The following MAPK10 variants were observed in gnomAD, a reference collection of about 807,000 sequenced individuals.
MAPK10 encodes JNK3 alpha protein kinase.
Under a neutral mutation model 59.3 loss-of-function variants are expected in MAPK10, and 25 were observed. The ratio of observed to expected loss-of-function variants is 0.42; its 90% confidence interval spans 0.31 to 0.59. The LOEUF (loss-of-function observed/expected upper bound fraction) is 0.59, where lower values mean the gene tolerates loss of function less well. Among genes scored for constraint, MAPK10 ranks in the 20% least tolerant of loss-of-function variants. MAPK10 has a pLI of 0.15. For synonymous variants in MAPK10, 190 were observed against 200.5 expected (o/e 0.95, Z 0.44); for missense variants, 351 against 568.9 (o/e 0.62, Z 3.90).
At chr4:86,279,687 G>A (rs1395043556) in intron 2 of MAPK10, among the ~76,000 whole-genome samples, 1 of 152,056 alleles carries the variant, frequency 6.6e-6, no homozygotes. Flanking sequence ...CATTACTAGG[G>A]GGGGCTCAAC....
At chr4:86,338,318 A>G (rs535515562) in intron 2 of MAPK10, among the ~76,000 whole-genome samples, 2 of 152,352 alleles carry the variant, frequency 1.3e-5, no homozygotes, top group East Asian at 1.9e-4. Context: ...TGAAACCCTC[A>G]TATGAACTCC....
At chr4:86,074,238 T>C (rs1361384180) in intron 9 of MAPK10, among the ~76,000 whole-genome samples, 1 of 141,470 alleles carries the variant, frequency 7.1e-6, no homozygotes, top group African/African-American at 2.7e-5. Context: ...TTGTTTTCCA[T>C]TGGCTTGGTA....
At chr4:86,139,288 C>A (rs1317228472) in intron 4 of MAPK10, among the ~76,000 whole-genome samples, 1 of 149,984 alleles carries the variant, frequency 6.7e-6, no homozygotes, top group African/African-American at 2.5e-5. Context: ...AACTATACTA[C>A]AAGGCTACAG....
Position 86,244,412 on chromosome 4 carries a change from T to A in MAPK10, c.-6-50005A>T, listed in dbSNP as rs187386025. Among the ~76,000 whole-genome samples, 286 of 152,328 alleles carry A rather than the reference T, an allele frequency of 1.9e-3. 2 individuals carry two copies. Among genetic ancestry groups the A allele is most frequent in the Middle Eastern group, 0.014 (4 of 294 alleles). On this transcript the variant is annotated intron_variant, in intron 2 of 13. Transcript: ENST00000641462. ...GATATGAAAGGTAAAGTTTCTTGCA[T>A]TTGAGATGCCTGCAATTTTTAAAAT... is the stretch of plus-strand genomic sequence containing the variant.
At chr4:86,102,087 T>C (rs1336954285) in intron 6 of MAPK10, 55 bp from the exon 7 acceptor site, 22 of 1,526,606 alleles carry the variant, frequency 1.4e-5, no homozygotes, top group Non-Finnish European at 2.0e-5. Context: ...ATGAAGTCCT[T>C]TGATTTAGTC....
At chr4:86,510,882 G>T (rs1285065922) in intron 1 of MAPK10, among the ~76,000 whole-genome samples, 1 of 152,158 alleles carries the variant, frequency 6.6e-6, no homozygotes, top group African/African-American at 2.4e-5. Context: ...AGGCTAGGAA[G>T]AAAAGTGGGG....
At chr4:86,157,019 C>A (rs897474925) in intron 4 of MAPK10, among the ~76,000 whole-genome samples, 2 of 152,000 alleles carry the variant, frequency 1.3e-5, no homozygotes, top group African/African-American at 4.8e-5. Context: ...TTCACAGTAG[C>A]TTTTGTTTAA....
chr4:86,550,841 C>T (rs1278494800), intron 1 of MAPK10, among the ~76,000 whole-genome samples: 1 of 152,188 alleles, frequency 6.6e-6, no homozygotes, highest in East Asian at 1.9e-4. Flanking sequence ...ACCTTCTAGG[C>T]TATTTTGGTA....
At chr4:86,546,533 G>T (rs1164374385) in intron 1 of MAPK10, among the ~76,000 whole-genome samples, 1 of 150,412 alleles carries the variant, frequency 6.6e-6, no homozygotes, top group Non-Finnish European at 1.5e-5. Context: ...CTCCAGCCTG[G>T]GGGACAAGAG....
chr4:86,172,887 T>C (rs1397007813), intron 3 of MAPK10, among the ~76,000 whole-genome samples: 1 of 151,492 alleles, frequency 6.6e-6, no homozygotes, highest in Non-Finnish European at 1.5e-5. Context: ...GAGAATAAAA[T>C]GCCTAGGAAT....
intron 1 of MAPK10, among the ~76,000 whole-genome samples, chr4:86,449,067 G>A (rs556157267): frequency 3.3e-5 from 5 of 152,218 alleles, no homozygotes; most frequent in African/African-American, 1.2e-4. Context: ...GAGGAGGATC[G>A]CTGGCTCGCC....
intron 3 of MAPK10, among the ~76,000 whole-genome samples, chr4:86,183,925 G>A (rs1386229420): frequency 6.6e-6 from 1 of 152,144 alleles, no homozygotes; most frequent in African/African-American, 2.4e-5. Context: ...TCTTTTGGCT[G>A]CATAAATGTC....
At chr4:86,561,159 A>G (rs1260513200) in intron 1 of MAPK10, among the ~76,000 whole-genome samples, 1 of 152,144 alleles carries the variant, frequency 6.6e-6, no homozygotes, top group African/African-American at 2.4e-5. Flanking sequence ...TCATGCTCCT[A>G]TGAGAATCTA....
intron 1 of MAPK10, among the ~76,000 whole-genome samples, chr4:86,520,422 A>G (rs532491063): frequency 1.8e-4 from 28 of 151,500 alleles, no homozygotes; most frequent in Non-Finnish European, 5.9e-5. Context: ...TTTCCAGTGT[A>G]TTTTGCATTT....
rs753508493 is a variant in MAPK10 at position 86,550,374 on chromosome 4, TAAAAAAAAAAAAAAAAAAAAA to T, written c.-263+43515_-263+43535del. Among the ~76,000 whole-genome samples, 24 of 77,394 alleles carry T rather than the reference TAAAAAAAAAAAAAAAAAAAAA, an allele frequency of 3.1e-4. 1 individual carries two copies. Among genetic ancestry groups the T allele is most frequent in the South Asian group, 1.0e-3 (2 of 1,916 alleles). 50.8% of individuals were successfully genotyped at this position (77,394 alleles called of 152,430 possible). A position where few individuals can be genotyped will look rare whatever the true frequency, so the allele number is the denominator to read the frequency against. On this transcript the variant is annotated intron_variant, in intron 1 of 4. Coordinates refer to the MAPK10 transcript ENST00000502302. ...CAGAAGGGCTAAGCAGAGCTTCAGTTAAAAAAAAAAAAAAAAAAAAAAAAAAAAAAAAAAAAACTCCAGGCC... is the reference window on the plus strand; with the variant it reads ...CAGAAGGGCTAAGCAGAGCTTCAGTTAAAAAAAAAAAAAAAACTCCAGGCC...
At chr4:86,090,767 G>A (rs1322366924) in intron 9 of MAPK10, 1 of 152,086 alleles carries the variant, frequency 6.6e-6, no homozygotes, top group Admixed American at 6.6e-5. Flanking sequence ...TATTGTGGAA[G>A]AGATATACAA....
chr4:86,044,565 A>C, intron 11 of MAPK10: 1 of 392,736 alleles, frequency 2.5e-6, no homozygotes, highest in Non-Finnish European at 4.5e-6. Flanking sequence ...CTTTAATGGC[A>C]TCTAGTTCTT....
At chr4:86,190,201 A>C (rs2079345227) in intron 3 of MAPK10, among the ~76,000 whole-genome samples, 1 of 152,094 alleles carries the variant, frequency 6.6e-6, no homozygotes, top group African/African-American at 2.4e-5. Context: ...TACTGCCCTG[A>C]AATTTTCTTT....
Position 86,017,508 on chromosome 4 carries a change from C to T in MAPK10, c.1253-138G>A. Reference sequence around the variant, plus strand: ...CATTTGGCAAGCCTTTATAGAGCAGCTGACATAGGGGAGCATATCAAATGG... The same window carrying T: ...CATTTGGCAAGCCTTTATAGAGCAGTTGACATAGGGGAGCATATCAAATGG... On this transcript the variant is annotated intron_variant, in intron 13 of 13. Coordinates refer to ENST00000641462, the MANE Select transcript of MAPK10 (RefSeq NM_138982.4). The surrounding 1 kb of genome is among the most constrained non-coding windows in gnomAD (Gnocchi z 4.4). The T allele has an allele frequency of 1.2e-6, 1 of 841,756 alleles. No homozygotes were observed. Among genetic ancestry groups the T allele is most frequent in the East Asian group, 2.5e-5 (1 of 39,630 alleles). 52.1% of individuals were successfully genotyped at this position (841,756 alleles called of 1,614,324 possible). A position where few individuals can be genotyped will look rare whatever the true frequency, so the allele number is the denominator to read the frequency against.
Sources: gnomAD v4.1 joint callset for allele counts (sites outside exome capture counted in the v4.1 genomes callset) on GRCh38, gnomAD v4.1.1 for gene constraint, Gnocchi (gnomAD v3.1) non-coding constraint, MANE v1.5 for transcripts, NCBI Gene and HGNC (gene_info 2026-07-23, HGNC 2026-07-21) for gene names.